Variants in TJP1 observed in about 807,000 individuals in gnomAD.
The protein encoded by TJP1 is tight junction protein ZO-1.
In TJP1, 43 loss-of-function variants were observed where a neutral mutation model predicts 194.2. That is an observed-to-expected ratio of 0.22 (90% CI 0.17 to 0.29). The LOEUF (loss-of-function observed/expected upper bound fraction) is 0.29, where lower values mean the gene tolerates loss of function less well. Among genes scored for constraint, TJP1 ranks in the 10% least tolerant of loss-of-function variants. TJP1 has a pLI of 1.00. For missense variants in TJP1, 1,971 were observed against 2,185.7 expected (o/e 0.90, Z 1.96); for synonymous variants, 801 against 779.0 (o/e 1.03, Z -0.47).
intron 8 of TJP1, among the ~76,000 whole-genome samples, chr15:29,753,483 CAAAAAAAAAAA>C (rs34221786): frequency 1.9e-4 from 9 of 47,938 alleles, no homozygotes; most frequent in Admixed American, 5.4e-4. Flanking sequence ...GACTCTGTGT[CAAAAAAAAAAA>C]AAAAAAAAAA....
chr15:29,841,731 T>TC (rs1567124576), intron 2 of TJP1, among the ~76,000 whole-genome samples: 1 of 151,948 alleles, frequency 6.6e-6, no homozygotes, highest in Non-Finnish European at 1.5e-5. Flanking sequence ...CTCCCTCCCC[T>TC]CCTTTTTCCT....
chr15:29,710,899 T>C lies in TJP1; in HGVS notation c.4304A>G (p.Tyr1435Cys), dbSNP rs1005386844. The stretch of plus-strand genomic sequence containing the variant: ...GGTGACAGGCTGAGATGGCTGGGCA[T>C]ACTGCGAGGGCAATGGAGGAGGAGG... Reference protein sequence around the residue: ...TPPPPPLPSQYAQPSQPVTSA... With the variant: ...TPPPPPLPSQCAQPSQPVTSA... The change falls in exon 24 of 28, where the codon TAT becomes TGT. Residue 1435 changes from tyrosine to cysteine, a missense_variant. Tyr to Cys is a radical substitution (Grantham distance 194, BLOSUM62 -2). Transcript: ENST00000614355. 6.2e-7 allele frequency: 1 copy of C among 1,614,184 alleles called. No homozygotes were observed. Among genetic ancestry groups the C allele is most frequent in the Non-Finnish European group, 8.5e-7 (1 of 1,180,042 alleles).
At chr15:29,859,280 T>C (rs1050268476) in intron 2 of TJP1, among the ~76,000 whole-genome samples, 2 of 152,240 alleles carry the variant, frequency 1.3e-5, no homozygotes, top group Non-Finnish European at 2.9e-5. Context: ...GACACTATGG[T>C]AGTATCTTCT....
chr15:29,964,794 CTAAG>C (rs1229479061), intron 1 of TJP1, among the ~76,000 whole-genome samples: 1 of 152,124 alleles, frequency 6.6e-6, no homozygotes, highest in Non-Finnish European at 1.5e-5. Flanking sequence ...TTCTGTGTTC[CTAAG>C]TAATGATTCA....
intron 2 of TJP1, among the ~76,000 whole-genome samples, chr15:29,924,401 A>G (rs1393023775): frequency 6.6e-6 from 1 of 152,202 alleles, no homozygotes; most frequent in Non-Finnish European, 1.5e-5. Flanking sequence ...AAAACTGCAA[A>G]AAATCTAAAT....
At chr15:29,940,345 C>G (rs1346971699) in intron 2 of TJP1, among the ~76,000 whole-genome samples, 2 of 152,170 alleles carry the variant, frequency 1.3e-5, no homozygotes. Flanking sequence ...GGTACACAGT[C>G]AGGCCTCACG....
At chr15:29,968,091 C>A in intron 1 of TJP1, 1 of 985,370 alleles carries the variant, frequency 1.0e-6, no homozygotes, top group Non-Finnish European at 1.2e-6. Context: ...GATGTTTTTT[C>A]CTCATTACCT....
intron 1 of TJP1, among the ~76,000 whole-genome samples, chr15:29,959,811 C>T (rs1283436705): frequency 4.6e-5 from 7 of 152,094 alleles, no homozygotes; most frequent in South Asian, 2.1e-4. Flanking sequence ...ATTTCTAGGG[C>T]GTCTTCCTTT....
rs1409529768 is a variant in TJP1, at chr15:29,718,670, C to T, written c.3472G>A (p.Glu1158Lys). 14 of 1,614,136 alleles carry T rather than the reference C, an allele frequency of 8.7e-6. No individual in the cohort carries two copies. The highest frequency in any genetic ancestry group is 6.7e-5 in the Admixed American group (4 of 60,020). The stretch of plus-strand genomic sequence containing the variant: ...TCATACCCAGGAGCTGGCTGCTCTT[C>T]GTGCCGCAGGGCGGATGCTCTAGGT... ...QAPRASALRH[E>K]EQPAPGYDTH... The change falls in exon 21 of 28, where the codon GAA (glutamate) becomes AAA (lysine). Residue 1158 changes from glutamate (E) to lysine (K), a missense_variant. By Grantham distance (56) the Glu-to-Lys change is moderately conservative. This residue lies in a region of TJP1 where 1,108 missense variants were observed against 1,128.5 expected (regional missense o/e 0.98). Transcript: ENST00000614355.
chr15:29,870,984 C>T lies in TJP1; in HGVS notation c.307-70282G>A, dbSNP rs1410112719. Among the ~76,000 whole-genome samples the T allele has an allele frequency of 3.9e-5, 6 of 152,352 alleles. No homozygotes were observed. The East Asian group carries it at 1.2e-3, about 29-fold the overall frequency. On this transcript the variant is annotated intron_variant, in intron 2 of 28. Coordinates refer to the TJP1 transcript ENST00000356107. Reference sequence around the variant, plus strand: ...AGGGAACTGGCGGCCAGCCCCAGGACACAGAGGGCTTCCCTCCTCCAGCCA... The same window carrying T: ...AGGGAACTGGCGGCCAGCCCCAGGATACAGAGGGCTTCCCTCCTCCAGCCA...
chr15:29,708,989 C>T lies in TJP1; in HGVS notation c.4420G>A (p.Asp1474Asn), dbSNP rs1413884187. The T allele has an allele frequency of 6.2e-7, 1 of 1,613,754 alleles. No individual in the cohort carries two copies. The highest frequency in any genetic ancestry group is 8.5e-7 in the Non-Finnish European group (1 of 1,179,940). Residue 1474 changes from aspartate (D) to asparagine (N), a missense_variant, in exon 25 of 28, where the codon GAC becomes AAC. Around this residue, in one of 5 missense-constraint regions of TJP1, gnomAD observed 1,108 missense variants for 1,128.5 expected, o/e 0.98. Transcript: ENST00000614355. ...DFQNSLVSKP[D>N]PPPSQNKPAT... ...GGCTTATTCTGAGATGGAGGTGGGT[C>T]TGGTTTGGACACTAAGGAATTCTGA...
chr15:29,804,358 G>A (rs1230487926), intron 1 of TJP1, among the ~76,000 whole-genome samples: 1 of 152,132 alleles, frequency 6.6e-6, no homozygotes, highest in East Asian at 1.9e-4. Flanking sequence ...GAAAAACTAA[G>A]AAATCCTTCT....
Position 29,820,528 on chromosome 15 carries a change from T to C in TJP1, c.27+1474A>G, listed in dbSNP as rs1244118379. 4.2e-6 allele frequency: 3 copies of C among 716,788 alleles called. No individual in the cohort carries two copies. The African/African-American group carries it at 5.2e-5, about 13-fold the overall frequency. 44.4% of individuals were successfully genotyped at this position (716,788 alleles called of 1,614,324 possible). On this transcript the variant is annotated intron_variant, in intron 1 of 27. Transcript: ENST00000614355. ...ATTCAGGAGAAGTACTCCTCCTACC[T>C]TACTGTGGCAATCCATTGAAAACGT... is the stretch of plus-strand genomic sequence containing the variant.
intron 2 of TJP1, among the ~76,000 whole-genome samples, chr15:29,935,647 GCCAAT>G (rs1220989843): frequency 6.6e-6 from 1 of 151,940 alleles, no homozygotes; most frequent in Non-Finnish European, 1.5e-5. Context: ...CAGTTCCCCT[GCCAAT>G]CTCTTAAATG....
At chr15:29,717,985 C>T (rs1482468675) in intron 22 of TJP1, 36 bp downstream of exon 22, 2 of 1,549,840 alleles carry the variant, frequency 1.3e-6, no homozygotes, top group South Asian at 1.2e-5. Context: ...AATTCCTGGT[C>T]AGTTCTATGC....
chr15:29,964,933 T>A (rs867169556), intron 1 of TJP1, among the ~76,000 whole-genome samples: 3 of 152,198 alleles, frequency 2.0e-5, no homozygotes, highest in Non-Finnish European at 2.9e-5. Context: ...CCTAAGTTGG[T>A]CTGCAAATAT....
At chr15:29,942,091 A>G (rs997378244) in intron 2 of TJP1, among the ~76,000 whole-genome samples, 11 of 152,202 alleles carry the variant, frequency 7.2e-5, no homozygotes, top group African/African-American at 2.2e-4. Flanking sequence ...AAACCAGAAT[A>G]CTGAACGCAT....
rs1319759891 is a variant in TJP1 at position 29,704,170 on chromosome 15, G to C, written c.5204C>G (p.Ser1735Cys). Residue 1735 changes from serine (S) to cysteine (C), a missense_variant, in exon 27 of 28, where the codon TCC becomes TGC. By Grantham distance (112) the Ser-to-Cys change is moderately radical (BLOSUM62 -1). Coordinates refer to ENST00000614355, the MANE Select transcript of TJP1 (RefSeq NM_001330239.4). Reference protein sequence around the residue: ...GWSFALKSSDSSSGDPKTWQN... With the variant: ...GWSFALKSSDCSSGDPKTWQN... ...GAGTGAAGACAGCATACCCGACGAG[G>C]AGTCGGATGATTTTAGAGCAAAAGA... 6.4e-7 allele frequency: 1 copy of C among 1,558,540 alleles called. No individual in the cohort carries two copies. Among genetic ancestry groups the C allele is most frequent in the African/African-American group, 1.4e-5 (1 of 73,778 alleles).
At chr15:29,878,495 A>G (rs1429560073) in intron 2 of TJP1, among the ~76,000 whole-genome samples, 1 of 152,120 alleles carries the variant, frequency 6.6e-6, no homozygotes, top group Non-Finnish European at 1.5e-5. Flanking sequence ...TAAATACCTC[A>G]TTTTTATGTC....
Sources: allele counts gnomAD v4.1 joint callset (sites outside exome capture counted in the v4.1 genomes callset), GRCh38; gene constraint gnomAD v4.1.1; regional missense constraint gnomAD v4.1.1; transcripts MANE v1.5; gene names NCBI Gene and HGNC (gene_info 2026-07-23, HGNC 2026-07-21).